SLC22A15: variants seen among roughly 807,000 people sequenced by gnomAD.
SLC22A15 encodes flipt 1.
SLC22A15 carries 45 observed loss-of-function variants against 62.7 expected under a neutral mutation model. The observed-to-expected ratio is 0.72, with a 90% CI of 0.56 to 0.92. The LOEUF is 0.92. Among genes scored for constraint, SLC22A15 ranks in the 40% least tolerant of loss-of-function variants. SLC22A15 has a pLI of 0.00. For synonymous variants in SLC22A15, 264 were observed against 267.0 expected (o/e 0.99, Z 0.11); for missense variants, 622 against 665.6 (o/e 0.93, Z 0.72).
intron 8 of SLC22A15, among the ~76,000 whole-genome samples, chr1:116,055,354 G>A (rs1287745401): frequency 6.6e-6 from 1 of 151,738 alleles, no homozygotes; most frequent in Non-Finnish European, 1.5e-5. Context: ...GACTAAACCA[G>A]GAAGAAGTTG....
intron 7 of SLC22A15, among the ~76,000 whole-genome samples, chr1:116,036,680 C>A (rs558948323): frequency 6.6e-6 from 1 of 152,196 alleles, no homozygotes; most frequent in African/African-American, 2.4e-5. Context: ...GTTGTAAGCC[C>A]CTAGAAAAGG....
intron 8 of SLC22A15, among the ~76,000 whole-genome samples, chr1:116,046,667 T>C (rs529579444): frequency 6.6e-6 from 1 of 152,176 alleles, no homozygotes; most frequent in Admixed American, 6.5e-5. Flanking sequence ...GGACCCACAG[T>C]CCCTCTGAAG....
At chr1:115,993,428 A>AGAGTGTGT (rs1406043731) in intron 2 of SLC22A15, among the ~76,000 whole-genome samples, 6,216 of 143,304 alleles carry the variant, frequency 0.043, 189 homozygotes, top group Admixed American at 0.082. Context: ...AGTGTGTGAG[A>AGAGTGTGT]GTGTGTGTGT....
At chr1:115,999,748 C>CCT (rs1245742528) in intron 2 of SLC22A15, among the ~76,000 whole-genome samples, 2 of 152,152 alleles carry the variant, frequency 1.3e-5, no homozygotes, top group East Asian at 3.9e-4. Flanking sequence ...AGGCAGTCTG[C>CCT]CTGCCTCCAC....
intron 7 of SLC22A15, among the ~76,000 whole-genome samples, chr1:116,035,984 A>G (rs972693609): frequency 3.3e-5 from 5 of 152,158 alleles, no homozygotes; most frequent in African/African-American, 1.2e-4. Flanking sequence ...TTTTTCTCCA[A>G]AAATCATCAT....
At chr1:116,046,878 C>G (rs2101517571) in intron 8 of SLC22A15, among the ~76,000 whole-genome samples, 1 of 152,282 alleles carries the variant, frequency 6.6e-6, no homozygotes, top group East Asian at 1.9e-4. Flanking sequence ...CAGGGAAGGC[C>G]CTGGGAGCTC....
chr1:116,023,732 T>C (rs751086391), intron 4 of SLC22A15, among the ~76,000 whole-genome samples: 23 of 152,148 alleles, frequency 1.5e-4, no homozygotes, highest in Non-Finnish European at 2.9e-4. Flanking sequence ...ATGGGCTAGA[T>C]AGTAATTGTG....
chr1:116,020,884 A>G lies in SLC22A15; in HGVS notation c.597A>G (p.Ala199=), dbSNP rs746629291. Reference sequence around the variant, plus strand: ...TGGGCACCGCCTACTGGGCACTTGCAGGTACTACTTAAATCATGCAGCTCT... The same window carrying G: ...TGGGCACCGCCTACTGGGCACTTGCGGGTACTACTTAAATCATGCAGCTCT... ...ECVGTAYWAL[A]GSIGGLFFAV... is the part of the protein sequence containing the mutation. Residue 199 remains alanine (A), a splice_region_variant and synonymous_variant, in exon 4 of 12, where the codon GCA becomes GCG. Coordinates refer to ENST00000369503, the MANE Select transcript of SLC22A15 (RefSeq NM_018420.3). 3 of 1,610,408 alleles carry G rather than the reference A, an allele frequency of 1.9e-6. No homozygotes were observed.
intron 1 of SLC22A15, among the ~76,000 whole-genome samples, chr1:115,982,278 G>C (rs1436323329): frequency 6.6e-6 from 1 of 152,162 alleles, no homozygotes; most frequent in African/African-American, 2.4e-5. Flanking sequence ...AATGGCATAT[G>C]GTGATTGTAG....
intron 2 of SLC22A15, among the ~76,000 whole-genome samples, chr1:116,006,993 G>A (rs530107958): frequency 3.9e-5 from 6 of 152,014 alleles, no homozygotes; most frequent in South Asian, 4.2e-4. Context: ...ACTGAGATGC[G>A]TAGACTGGGA....
chr1:115,999,175 G>T (rs552750928), intron 2 of SLC22A15, among the ~76,000 whole-genome samples: 1 of 152,238 alleles, frequency 6.6e-6, no homozygotes, highest in African/African-American at 2.4e-5. Context: ...AAATTTTTAA[G>T]ACTTGTTTTG....
rs926623447 is a variant in SLC22A15 at position 116,005,401 on chromosome 1, A to G, written c.300+13158A>G. 3.9e-5 allele frequency among the ~76,000 whole-genome samples: 6 copies of G among 152,038 alleles called. No homozygotes were observed. The South Asian group carries it at 1.2e-3, about 31-fold the overall frequency. ...CTGGTTTTACTTAGGATTGATCTCC[A>G]TAGGATTTTGAAATGGGTGAGAACT... is the stretch of plus-strand genomic sequence containing the variant. On this transcript the variant is annotated intron_variant, in intron 2 of 11. Transcript: ENST00000369503.
chr1:115,995,343 C>A (rs1655370639), intron 2 of SLC22A15, among the ~76,000 whole-genome samples: 1 of 152,124 alleles, frequency 6.6e-6, no homozygotes, highest in Non-Finnish European at 1.5e-5. Context: ...CCTTTGCCTC[C>A]TATGTTCAAG....
At chr1:116,058,506 A>G (rs1658286763) in intron 8 of SLC22A15, among the ~76,000 whole-genome samples, 1 of 152,206 alleles carries the variant, frequency 6.6e-6, no homozygotes, top group Non-Finnish European at 1.5e-5. Flanking sequence ...GAACACTTCC[A>G]CACTGCTGGT....
At chr1:116,038,179 C>T (rs1657682383) in intron 8 of SLC22A15, among the ~76,000 whole-genome samples, 1 of 152,124 alleles carries the variant, frequency 6.6e-6, no homozygotes, top group African/African-American at 2.4e-5. Context: ...ATAACAAGAG[C>T]CCTGTCTTAG....
At chr1:116,056,107 A>G (rs1269728820) in intron 8 of SLC22A15, among the ~76,000 whole-genome samples, 1 of 149,994 alleles carries the variant, frequency 6.7e-6, no homozygotes, top group Admixed American at 6.6e-5. Context: ...GAAAAGAGGA[A>G]GTCAAATTGT....
chr1:116,003,465 T>G (rs1259356979), intron 2 of SLC22A15, among the ~76,000 whole-genome samples: 2 of 152,286 alleles, frequency 1.3e-5, no homozygotes, highest in East Asian at 3.9e-4. Context: ...CTCTTTAGCT[T>G]GCAGTGGTGG....
At chr1:116,042,393 G>T (rs141238523) in intron 8 of SLC22A15, among the ~76,000 whole-genome samples, 1 of 151,650 alleles carries the variant, frequency 6.6e-6, no homozygotes, top group South Asian at 2.1e-4. Flanking sequence ...TTAGCAACAG[G>T]TTAAACACTA....
chr1:116,052,351 G>T (rs534897930), intron 8 of SLC22A15, among the ~76,000 whole-genome samples: 1 of 152,164 alleles, frequency 6.6e-6, no homozygotes, highest in East Asian at 1.9e-4. Context: ...GGGGAGGGGC[G>T]CCCGCCATTG....
Sources: allele counts gnomAD v4.1 joint callset (sites outside exome capture counted in the v4.1 genomes callset), GRCh38; gene constraint gnomAD v4.1.1; transcripts MANE v1.5; gene names NCBI Gene and HGNC (gene_info 2026-07-23, HGNC 2026-07-21).